Variants in ADAM23 observed in about 807,000 individuals in gnomAD.
ADAM23 encodes ADAM metallopeptidase domain 23.
A neutral mutation model predicts 120.1 loss-of-function variants in ADAM23; 33 were observed. The observed-to-expected ratio is 0.27, with a 90% CI of 0.21 to 0.37. The LOEUF (loss-of-function observed/expected upper bound fraction) is 0.37, where lower values mean the gene tolerates loss of function less well. ADAM23 is among the 10% of genes least tolerant of loss of function. The pLI is 1.00. For synonymous variants in ADAM23, 367 were observed against 375.2 expected (o/e 0.98, Z 0.25); for missense variants, 862 against 1,058.2 (o/e 0.81, Z 2.57).
In ADAM23 at chr2:206,603,356, C is replaced by G. The variant is rs183825003; in HGVS notation, c.2360-6554C>G. 2.2e-3 allele frequency among the ~76,000 whole-genome samples: 329 copies of G among 152,288 alleles called. 2 individuals are homozygous for G. Among genetic ancestry groups the G allele is most frequent in the Non-Finnish European group, 1.7e-3 (115 of 68,028 alleles). Reference sequence around the variant, plus strand: ...TTGCCAAAACAAAGTTCAGCACTCTCTAAAGGAAGAGAACAAAAGCAAAGC... The same window carrying G: ...TTGCCAAAACAAAGTTCAGCACTCTGTAAAGGAAGAGAACAAAAGCAAAGC... On this transcript the variant is annotated intron_variant, in intron 24 of 25. Transcript: ENST00000264377.
intron 3 of ADAM23, among the ~76,000 whole-genome samples, chr2:206,505,288 A>G (rs1288047164): frequency 6.6e-6 from 1 of 152,222 alleles, no homozygotes. Flanking sequence ...AATAATCTAC[A>G]CATTTCCAGT....
At chr2:206,536,852 C>T (rs1402669779) in intron 4 of ADAM23, among the ~76,000 whole-genome samples, 3 of 151,582 alleles carry the variant, frequency 2.0e-5, no homozygotes, top group Admixed American at 6.6e-5. Context: ...ATTACAGGCA[C>T]GTGCCACCAC....
intron 25 of ADAM23, among the ~76,000 whole-genome samples, chr2:206,614,014 T>C (rs553160703): frequency 1.3e-5 from 2 of 152,328 alleles, no homozygotes; most frequent in South Asian, 4.1e-4. Flanking sequence ...GCTTTTCCAG[T>C]GATACCGTAA....
chr2:206,466,181 A>T lies in ADAM23; in HGVS notation c.433-15051A>T, dbSNP rs191650795. 3.9e-3 allele frequency among the ~76,000 whole-genome samples: 598 copies of T among 152,310 alleles called. 6 individuals carry two copies. The highest frequency in any genetic ancestry group is 0.013 in the African/African-American group (555 of 41,566). ...AACTTTCGGAAAATCAAAGATAAAC[A>T]TTATGTTGTTTCTTAGGAATGTTTA... On this transcript the variant is annotated intron_variant, in intron 2 of 25. Transcript: ENST00000264377.
At chr2:206,446,794 A>G (rs983219132) in intron 2 of ADAM23, among the ~76,000 whole-genome samples, 9 of 152,238 alleles carry the variant, frequency 5.9e-5, no homozygotes, top group South Asian at 2.1e-4. Context: ...CCTTTTCTCC[A>G]TAAGCTCCTA....
chr2:206,511,310 A>G (rs925874018), intron 3 of ADAM23, among the ~76,000 whole-genome samples: 1 of 152,122 alleles, frequency 6.6e-6, no homozygotes, highest in African/African-American at 2.4e-5. Flanking sequence ...TATGATGCAT[A>G]TCCTTCATCT....
Position 206,570,098 on chromosome 2 carries a change from ATGGCACCAGTAGACTAGATTATTC to A in ADAM23, c.1495-640_1495-617del, listed in dbSNP as rs201389517. On this transcript the variant is annotated intron_variant, in intron 15 of 25. Transcript: ENST00000264377. The stretch of plus-strand genomic sequence containing the variant: ...TATAGTTTATCTGGCAAGCAAGTTC[ATGGCACCAGTAGACTAGATTATTC>A]TAGAAATTATACTCTTCTATTGCCC... Among the ~76,000 whole-genome samples the A allele has an allele frequency of 2.5e-3, 374 of 152,308 alleles. 15 individuals carry two copies. The East Asian group carries it at 0.064, about 26-fold the overall frequency.
chr2:206,571,376 G>C (rs1362489844), intron 16 of ADAM23, among the ~76,000 whole-genome samples: 1 of 152,298 alleles, frequency 6.6e-6, no homozygotes, highest in South Asian at 2.1e-4. Context: ...TCGGGAGGCT[G>C]AGGCAGGAGA....
chr2:206,502,138 C>G (rs1696401348), intron 3 of ADAM23, among the ~76,000 whole-genome samples: 1 of 152,094 alleles, frequency 6.6e-6, no homozygotes, highest in African/African-American at 2.4e-5. Context: ...GTATGCAATA[C>G]CACAATTTTG....
intron 2 of ADAM23, among the ~76,000 whole-genome samples, chr2:206,454,801 A>G (rs1460051129): frequency 6.6e-6 from 1 of 152,152 alleles, no homozygotes; most frequent in Non-Finnish European, 1.5e-5. Context: ...GCTCTGAAAT[A>G]ATTGCCTTTC....
At chr2:206,521,272 G>A (rs1696837624) in intron 3 of ADAM23, among the ~76,000 whole-genome samples, 1 of 152,046 alleles carries the variant, frequency 6.6e-6, no homozygotes, top group African/African-American at 2.4e-5. Flanking sequence ...GATATTCAGG[G>A]AACATCTGTC....
chr2:206,558,981 G>T (rs1043463831), intron 10 of ADAM23, among the ~76,000 whole-genome samples: 2 of 152,134 alleles, frequency 1.3e-5, no homozygotes, highest in African/African-American at 4.8e-5. Flanking sequence ...GTCTTGCTCT[G>T]TTGCCCAGGC....
At chr2:206,594,354 TCTG>T (rs767948150) in intron 22 of ADAM23, among the ~76,000 whole-genome samples, 64 of 152,342 alleles carry the variant, frequency 4.2e-4, no homozygotes, top group Admixed American at 5.9e-4. Flanking sequence ...TTGTTCATCG[TCTG>T]CTTTTTTCTA....
Position 206,570,865 on chromosome 2 carries a change from A to G in ADAM23, c.1566+54A>G. The G allele has an allele frequency of 1.7e-5, 26 of 1,498,926 alleles. No individual in the cohort carries two copies. The South Asian group carries it at 2.8e-4, about 16-fold the overall frequency. The allele number at this position is 1,498,926 out of a possible 1,614,324, so 92.9% of individuals were successfully genotyped here. ...AGCACAGATCTTACTTGGTGCAAAC[A>G]GGTATAGCATTTGTGAGAGGCCAGC... On this transcript the variant is annotated intron_variant, in intron 16 of 25. Coordinates refer to ENST00000264377, the MANE Select transcript of ADAM23 (RefSeq NM_003812.4).
At chr2:206,559,179 T>C (rs1358819116) in intron 10 of ADAM23, among the ~76,000 whole-genome samples, 1 of 152,112 alleles carries the variant, frequency 6.6e-6, no homozygotes, top group Non-Finnish European at 1.5e-5. Flanking sequence ...CTCCTGACCC[T>C]GTGAAGCACC....
intron 24 of ADAM23, among the ~76,000 whole-genome samples, chr2:206,608,725 C>T (rs952902857): frequency 2.0e-5 from 3 of 152,060 alleles, no homozygotes; most frequent in Non-Finnish European, 4.4e-5. Context: ...CCACCAAGCA[C>T]TGGATGGTCT....
intron 3 of ADAM23, among the ~76,000 whole-genome samples, chr2:206,519,322 G>A (rs958828012): frequency 6.6e-6 from 1 of 152,124 alleles, no homozygotes; most frequent in South Asian, 2.1e-4. Context: ...AATTTTCAGA[G>A]GTATCTTAGC....
At chr2:206,577,793 T>G (rs1419742495) in intron 18 of ADAM23, among the ~76,000 whole-genome samples, 29 of 151,814 alleles carry the variant, frequency 1.9e-4, no homozygotes, top group Middle Eastern at 3.4e-3. Context: ...TGGGATGGCT[T>G]GGTCAAATGG....
chr2:206,587,092 T>C (rs1207989599), intron 18 of ADAM23, among the ~76,000 whole-genome samples: 1 of 152,242 alleles, frequency 6.6e-6, no homozygotes, highest in Non-Finnish European at 1.5e-5. Flanking sequence ...CTGGTCCATC[T>C]CACCATAAAC....
Sources: gnomAD v4.1 joint callset for allele counts (sites outside exome capture counted in the v4.1 genomes callset) on GRCh38, gnomAD v4.1.1 for gene constraint, MANE v1.5 for transcripts, NCBI Gene and HGNC (gene_info 2026-07-23, HGNC 2026-07-21) for gene names.